ANXA11: variants seen among roughly 807,000 people sequenced by gnomAD.
The protein encoded by ANXA11 is annexin A11.
In ANXA11, 57 loss-of-function variants were observed where a neutral mutation model predicts 64.7. The observed-to-expected ratio is 0.88, with a 90% confidence interval of 0.71 to 1.10. ANXA11 has a LOEUF of 1.10. Ranked by LOEUF, ANXA11 falls within the 50% of genes least tolerant of loss-of-function variation. ANXA11 has a pLI of 0.00. For missense variants in ANXA11, 675 were observed against 670.7 expected (o/e 1.01, Z -0.07); for synonymous variants, 260 against 265.2 (o/e 0.98, Z 0.19).
chr10:80,166,868 G>A (rs1200142093), intron 7 of ANXA11, 22 bp downstream of exon 7: 7 of 1,575,802 alleles, frequency 4.4e-6, no homozygotes, highest in Admixed American at 1.7e-5. Context: ...TCACTGTCCC[G>A]CGCCCCCACC....
At position 80,155,642 on chromosome 10, in the gene ANXA11, A is replaced by G; in HGVS notation, c.*211T>C. On this transcript the variant is annotated 3_prime_UTR_variant, in exon 16 of 16. Coordinates refer to ENST00000422982, the MANE Select transcript of ANXA11 (RefSeq NM_145868.2). The stretch of plus-strand genomic sequence containing the variant: ...TTTTAGCAGCAAGAGGCTGTGAGGG[A>G]TGGGGTAGAAAAGGCATCCTGAGAG... 1 of 542,702 alleles carries G rather than the reference A, an allele frequency of 1.8e-6. No individual in the cohort carries two copies. Among genetic ancestry groups the G allele is most frequent in the East Asian group, 2.9e-5 (1 of 33,914 alleles). 33.6% of individuals were successfully genotyped at this position (542,702 alleles called of 1,614,324 possible). A position where few individuals can be genotyped will look rare whatever the true frequency, so the allele number is the denominator to read the frequency against.
chr10:80,170,757 A>G, intron 4 of ANXA11, 43 bp downstream of exon 4: 1 of 1,397,948 alleles, frequency 7.2e-7, no homozygotes. Context: ...CTGGCCACGC[A>G]GGTGTGGCCC....
At chr10:80,166,785 T>C in intron 7 of ANXA11, 105 bp downstream of exon 7, 2 of 871,994 alleles carry the variant, frequency 2.3e-6, no homozygotes, top group East Asian at 2.7e-5. Flanking sequence ...CTCCTTACTG[T>C]CCATCCGGGA....
intron 1 of ANXA11, among the ~76,000 whole-genome samples, chr10:80,194,841 T>C (rs371004102): frequency 3.3e-5 from 5 of 152,296 alleles, no homozygotes; most frequent in African/African-American, 1.2e-4. Context: ...GGGCCCCATA[T>C]TTCTGCATGG....
chr10:80,177,292 T>C (rs1846206284), intron 1 of ANXA11, among the ~76,000 whole-genome samples: 1 of 152,072 alleles, frequency 6.6e-6, no homozygotes, highest in Admixed American at 6.6e-5. Flanking sequence ...ACTCTTATCT[T>C]TTAGTTCTTT....
At chr10:80,202,773 C>T (rs1335420796) in intron 1 of ANXA11, among the ~76,000 whole-genome samples, 2 of 152,068 alleles carry the variant, frequency 1.3e-5, no homozygotes, top group Admixed American at 1.3e-4. Flanking sequence ...AGGCCGGGCA[C>T]GGTGACTCAT....
rs1845215655 is a variant in ANXA11, at chr10:80,154,453, C to T, written c.*1400G>A. 1 of 152,230 alleles carries T rather than the reference C, an allele frequency of 6.6e-6. No homozygotes were observed. Among genetic ancestry groups the T allele is most frequent in the South Asian group, 2.1e-4 (1 of 4,822 alleles). The allele number at this position is 152,230 out of a possible 1,614,324, so 9.4% of individuals were successfully genotyped here. A position where few individuals can be genotyped will look rare whatever the true frequency, so the allele number is the denominator to read the frequency against. ...CGCTGTTGGCTAGGCTAGTCTTGAA[C>T]TCCTGAGCTCAAGTGATCCTCTCAC... is the stretch of plus-strand genomic sequence containing the variant. On this transcript the variant is annotated 3_prime_UTR_variant, in exon 16 of 16. Coordinates refer to ENST00000422982, the MANE Select transcript of ANXA11 (RefSeq NM_145868.2).
chr10:80,156,294 C>T, intron 15 of ANXA11: 1 of 392,518 alleles, frequency 2.5e-6, no homozygotes, highest in Non-Finnish European at 5.1e-6. Context: ...GAAATGCAAT[C>T]TCCTCACACA....
At chr10:80,156,522 T>C (rs759175942) in intron 15 of ANXA11, 4 of 447,540 alleles carry the variant, frequency 8.9e-6, no homozygotes, top group South Asian at 5.0e-5. Context: ...TTAACTCTCT[T>C]TTTTTTTTTG....
At chr10:80,202,832 G>A (rs1484328441) in intron 1 of ANXA11, among the ~76,000 whole-genome samples, 2 of 152,046 alleles carry the variant, frequency 1.3e-5, no homozygotes, top group Non-Finnish European at 2.9e-5. Flanking sequence ...GATCACCTGA[G>A]GTCAGGAGTT....
chr10:80,169,117 T>A lies in ANXA11; in HGVS notation c.413A>T (p.Gln138Leu), dbSNP rs753759611. Residue 138 changes from glutamine to leucine, a missense_variant, in exon 5 of 16, where the codon CAG (glutamine) becomes CTG (leucine). Gln to Leu is a moderately radical substitution (Grantham distance 113). Coordinates refer to ENST00000422982, the MANE Select transcript of ANXA11 (RefSeq NM_145868.2). ...VPGQPMPPPG[Q>L]QPPGAYPGQP... Reference sequence around the variant, plus strand: ...CCCAGGGTAGGCCCCTGGGGGCTGCTGTCCGGGGGGTGGCATGGGCTGGCC... The same window carrying A: ...CCCAGGGTAGGCCCCTGGGGGCTGCAGTCCGGGGGGTGGCATGGGCTGGCC... The A allele has an allele frequency of 6.5e-7, 1 of 1,539,838 alleles. No individual in the cohort carries two copies. Among genetic ancestry groups the A allele is most frequent in the East Asian group, 2.3e-5 (1 of 44,374 alleles).
rs200915170 is a variant in ANXA11, at chr10:80,172,879, A to G, written c.-8-10T>C. 39 of 1,613,424 alleles carry G rather than the reference A, an allele frequency of 2.4e-5. No individual in the cohort carries two copies. Among genetic ancestry groups the G allele is most frequent in the African/African-American group, 4.0e-5 (3 of 74,996 alleles). ...TAGCTCATGGTTAGATCTGGAAGAG[A>G]AGACGAAAGCACATTCAGGCTCTGC... On this transcript the variant is annotated splice_polypyrimidine_tract_variant and intron_variant, in intron 2 of 15. Coordinates refer to ENST00000422982, the MANE Select transcript of ANXA11 (RefSeq NM_145868.2).
chr10:80,166,046 A>ACACGCG lies in ANXA11; in HGVS notation c.858+37_858+38insCGCGTG, dbSNP rs765603830. The ACACGCG allele has an allele frequency of 2.4e-3, 724 of 304,846 alleles. 3 individuals are homozygous for ACACGCG. Among genetic ancestry groups the ACACGCG allele is most frequent in the African/African-American group, 0.014 (430 of 29,868 alleles). The allele number at this position is 304,846 out of a possible 1,614,324, so 18.9% of individuals were successfully genotyped here. A position where few individuals can be genotyped will look rare whatever the true frequency, so the allele number is the denominator to read the frequency against. On this transcript the variant is annotated intron_variant, in intron 8 of 15. Coordinates refer to ENST00000422982, the MANE Select transcript of ANXA11 (RefSeq NM_145868.2). The stretch of plus-strand genomic sequence containing the variant: ...CGCGCGTGCGCACACACGCGCGCAC[A>ACACGCG]CACACACACACACACACACACACAC...
chr10:80,171,290 TGAC>T (rs1376079075), intron 3 of ANXA11: 1 of 1,070,918 alleles, frequency 9.3e-7, no homozygotes, highest in African/African-American at 1.7e-5. Context: ...ATGACAGAGG[TGAC>T]CATAGGGAGC....
chr10:80,191,595 A>G (rs36041861), intron 1 of ANXA11, among the ~76,000 whole-genome samples: 6,303 of 152,180 alleles, frequency 0.041, 168 homozygotes, highest in Non-Finnish European at 0.065. Context: ...AGACTACAAA[A>G]AAAACCCTTT....
rs779679710 is a variant in ANXA11 at position 80,172,798 on chromosome 10, C to G, written c.55+9G>C. ...CATTCACTCTCCTCCCCACCCCAGA[C>G]CCTCTTACCTGGTGCAGCTGGTGGG... On this transcript the variant is annotated intron_variant, in intron 3 of 15. Coordinates refer to ENST00000422982, the MANE Select transcript of ANXA11 (RefSeq NM_145868.2). The G allele has an allele frequency of 6.2e-7, 1 of 1,613,804 alleles. No individual in the cohort carries two copies. Among genetic ancestry groups the G allele is most frequent in the East Asian group, 2.2e-5 (1 of 44,890 alleles).
At chr10:80,201,684 G>T (rs944462116) in intron 1 of ANXA11, among the ~76,000 whole-genome samples, 11 of 152,164 alleles carry the variant, frequency 7.2e-5, no homozygotes, top group Non-Finnish European at 1.3e-4. Context: ...ACAGGAACAT[G>T]CCTTGTCACC....
intron 1 of ANXA11, among the ~76,000 whole-genome samples, chr10:80,201,090 CCTGT>C (rs547691766): frequency 3.6e-4 from 55 of 152,246 alleles, no homozygotes; most frequent in Non-Finnish European, 6.2e-4. Context: ...CATTTCAGAG[CCTGT>C]CTATCATCAG....
Position 80,157,779 on chromosome 10 carries a change from C to T in ANXA11, c.1336-16G>A. ...TTCCTGCCCCCTAAAGAGAGTCCAC[C>T]CAAGAGCATGAGCACCAGGCCTCCT... On this transcript the variant is annotated splice_polypyrimidine_tract_variant and intron_variant, in intron 14 of 15. Coordinates refer to ENST00000422982, the MANE Select transcript of ANXA11 (RefSeq NM_145868.2). The T allele has an allele frequency of 1.9e-6, 3 of 1,608,840 alleles. No homozygotes were observed. Among genetic ancestry groups the T allele is most frequent in the Non-Finnish European group, 2.5e-6 (3 of 1,176,510 alleles).
Sources: allele counts gnomAD v4.1 joint callset (sites outside exome capture counted in the v4.1 genomes callset), GRCh38; gene constraint gnomAD v4.1.1; transcripts MANE v1.5; gene names NCBI Gene and HGNC (gene_info 2026-07-23, HGNC 2026-07-21).